Variants in SPINDOC observed in about 807,000 individuals in gnomAD.
The protein encoded by SPINDOC is spindlin interactor and repressor of chromatin-binding protein.
In SPINDOC, 13 loss-of-function variants were observed where a neutral mutation model predicts 30.7. That is an observed-to-expected ratio of 0.42 (90% confidence interval 0.28 to 0.67). The LOEUF is 0.67. Ranked by LOEUF, SPINDOC falls within the 30% of genes least tolerant of loss-of-function variation. The probability of loss-of-function intolerance (pLI) is 0.22; values close to 1 mark genes in which losing one functional copy is unlikely to be tolerated. For synonymous variants in SPINDOC, 228 were observed against 211.4 expected, an observed-to-expected ratio of 1.08 and a Z score of -0.68; for missense variants, 438 against 518.0, an observed-to-expected ratio of 0.85 and a Z score of 1.50.
In SPINDOC at chr11:63,827,332, C is replaced by T. The variant is rs960432781; in HGVS notation, c.*193C>T. On this transcript the variant is annotated 3_prime_UTR_variant, in exon 6 of 6. Coordinates refer to ENST00000294244, the MANE Select transcript of SPINDOC (RefSeq NM_138471.3). ...TGTTCCTGGCCAGGCCTGAGGTCGG[C>T]GAGGGTGGCTGAGGCTGTTGTGCAG... 29 of 1,056,352 alleles carry T rather than the reference C, an allele frequency of 2.7e-5. No individual in the cohort carries two copies. Among genetic ancestry groups the T allele is most frequent in the African/African-American group, 1.8e-4 (11 of 62,752 alleles). 65.4% of individuals were successfully genotyped at this position (1,056,352 alleles called of 1,614,324 possible). A position where few individuals can be genotyped will look rare whatever the true frequency, so the allele number is the denominator to read the frequency against.
At chr11:63,825,497 T>C (rs2015633392) in intron 5 of SPINDOC, among the ~76,000 whole-genome samples, 1 of 152,206 alleles carries the variant, frequency 6.6e-6, no homozygotes, top group Non-Finnish European at 1.5e-5. Context: ...CATACTGCAT[T>C]TTTTATTTGT....
intron 5 of SPINDOC, among the ~76,000 whole-genome samples, chr11:63,824,234 G>A (rs1485602504): frequency 6.6e-6 from 1 of 152,072 alleles, no homozygotes; most frequent in Non-Finnish European, 1.5e-5. Context: ...TGATCTCGTG[G>A]TTACGGTGGG....
chr11:63,820,807 G>A (rs368190679), intron 5 of SPINDOC, among the ~76,000 whole-genome samples: 227 of 148,450 alleles, frequency 1.5e-3, no homozygotes, highest in African/African-American at 5.4e-3. Context: ...GGAGAATGGC[G>A]TGAACCCGGG....
chr11:63,820,815 G>A lies in SPINDOC; in HGVS notation c.934+1813G>A, dbSNP rs1490325280. 4.0e-5 allele frequency among the ~76,000 whole-genome samples: 6 copies of A among 149,268 alleles called. No homozygotes were observed. The Admixed American group carries it at 4.1e-4, about 10-fold the overall frequency. ...TGAGGCAGGAGAATGGCGTGAACCC[G>A]GGAGGCGGAGCTTGCAGTGAGTCGA... On this transcript the variant is annotated intron_variant, in intron 5 of 5. Coordinates refer to ENST00000294244, the MANE Select transcript of SPINDOC (RefSeq NM_138471.3).
At chr11:63,825,494 C>T (rs1320438122) in intron 5 of SPINDOC, among the ~76,000 whole-genome samples, 1 of 152,174 alleles carries the variant, frequency 6.6e-6, no homozygotes, top group African/African-American at 2.4e-5. Context: ...TAACATACTG[C>T]ATTTTTTATT....
intron 5 of SPINDOC, chr11:63,822,921 G>T: frequency 1.6e-6 from 2 of 1,270,416 alleles, no homozygotes; most frequent in Non-Finnish European, 2.1e-6. Flanking sequence ...TGAGAGGAAG[G>T]GGCTTCAGCA....
chr11:63,818,290 C>T lies in SPINDOC; in HGVS notation c.532C>T (p.Leu178Phe). 1 of 1,614,038 alleles carries T rather than the reference C, an allele frequency of 6.2e-7. No homozygotes were observed. Among genetic ancestry groups the T allele is most frequent in the African/African-American group, 1.3e-5 (1 of 75,000 alleles). ...AARMPAEIVV[L>F]LDSEDNPSLP... ...CAGAATGCCAGCCGAAATCGTCGTT[C>T]TCCTTGACTCTGAGGATAACCCATC... is the stretch of plus-strand genomic sequence containing the variant. The change falls in exon 3 of 6, where the codon CTC (leucine) becomes TTC (phenylalanine). Residue 178 changes from leucine to phenylalanine, a missense_variant. Around this residue, in one of 3 missense-constraint regions of SPINDOC, gnomAD observed 300 missense variants for 332.8 expected, o/e 0.90. Coordinates refer to ENST00000294244, the MANE Select transcript of SPINDOC (RefSeq NM_138471.3). The surrounding 1 kb of genome is among the most constrained non-coding windows in gnomAD (Gnocchi z 5.3).
intron 1 of SPINDOC, among the ~76,000 whole-genome samples, chr11:63,816,384 G>A (rs543510498): frequency 3.4e-4 from 52 of 152,288 alleles, no homozygotes; most frequent in African/African-American, 1.3e-3. Flanking sequence ...GAAACTGACC[G>A]CAGAGTTTAG....
chr11:63,823,088 G>A, intron 5 of SPINDOC: 1 of 1,244,222 alleles, frequency 8.0e-7, no homozygotes, highest in Non-Finnish European at 1.1e-6. Context: ...CACCCTGGGA[G>A]ATGGCATGAG....
chr11:63,816,973 GC>G (rs2015358520), intron 1 of SPINDOC, among the ~76,000 whole-genome samples: 1 of 151,870 alleles, frequency 6.6e-6, no homozygotes, highest in African/African-American at 2.4e-5. Flanking sequence ...TTCACAACCA[GC>G]CTGGGCAACA....
chr11:63,823,319 T>TG (rs2015578511), intron 5 of SPINDOC: 1 of 1,190,330 alleles, frequency 8.4e-7, no homozygotes, highest in East Asian at 5.9e-5. Flanking sequence ...ATGTACGTAT[T>TG]GAAGTTCTCT....
chr11:63,825,946 T>C (rs1278139857), intron 5 of SPINDOC, among the ~76,000 whole-genome samples: 3 of 131,454 alleles, frequency 2.3e-5, no homozygotes, highest in African/African-American at 1.1e-4. Context: ...GTAATGTAAC[T>C]TTTTTTTTTT....
intron 5 of SPINDOC, among the ~76,000 whole-genome samples, chr11:63,825,306 G>A (rs1379951538): frequency 1.3e-5 from 2 of 152,094 alleles, no homozygotes; most frequent in Non-Finnish European, 2.9e-5. Flanking sequence ...GGAAGCCAGC[G>A]TGCTCCACCA....
chr11:63,825,116 C>A (rs535951882), intron 5 of SPINDOC, among the ~76,000 whole-genome samples: 2 of 152,296 alleles, frequency 1.3e-5, no homozygotes, highest in East Asian at 3.9e-4. Context: ...GCCAGAGTGT[C>A]CCTGCTGAGA....
chr11:63,817,154 C>G (rs1312501177), intron 1 of SPINDOC, among the ~76,000 whole-genome samples: 4 of 151,736 alleles, frequency 2.6e-5, no homozygotes, highest in African/African-American at 7.3e-5. Context: ...GTACTCCAGC[C>G]TGGGTGACAA....
intron 5 of SPINDOC, among the ~76,000 whole-genome samples, chr11:63,820,158 C>T (rs1236191195): frequency 1.3e-5 from 2 of 150,762 alleles, no homozygotes; most frequent in Non-Finnish European, 3.0e-5. Flanking sequence ...AGCACTTTGG[C>T]AGGCTGAGGC....
At position 63,820,889 on chromosome 11, in the gene SPINDOC, CAAAAAAAA is replaced by C. The variant is rs60839586; in HGVS notation, c.934+1898_934+1905del. On this transcript the variant is annotated intron_variant, in intron 5 of 5. Coordinates refer to ENST00000294244, the MANE Select transcript of SPINDOC (RefSeq NM_138471.3). ...TGGGCGACAGAGCGAAACTCCGTCT[CAAAAAAAA>C]AAAAAAAAAACAACACACATCGCTT... Among the ~76,000 whole-genome samples the C allele has an allele frequency of 1.3e-4, 10 of 74,436 alleles. No homozygotes were observed. In the East Asian group the frequency reaches 2.7e-3, roughly 20 times the overall value. The allele number at this position is 74,436 out of a possible 152,430, so 48.8% of individuals were successfully genotyped here. A position where few individuals can be genotyped will look rare whatever the true frequency, so the allele number is the denominator to read the frequency against.
chr11:63,822,621 C>T, intron 5 of SPINDOC: 1 of 1,289,134 alleles, frequency 7.8e-7, no homozygotes, highest in Non-Finnish European at 1.0e-6. Flanking sequence ...ACAGTTTTAA[C>T]TGTCTCAAGT....
chr11:63,818,977 T>C lies in SPINDOC; in HGVS notation c.909T>C (p.Leu303=), dbSNP rs1157011050. ...PKDREVAEGG[L]PRAESPSPAP... ...ACAGGGAAGTGGCAGAAGGAGGCCT[T>C]CCCCGGGCGGAGAGCCCCTCTCCAG... The change falls in exon 5 of 6, where the codon CTT becomes CTC. Residue 303 remains leucine (L), a synonymous_variant. Transcript: ENST00000294244. The surrounding 1 kb of genome is among the most constrained non-coding windows in gnomAD (Gnocchi z 5.3). 4 of 1,613,842 alleles carry C rather than the reference T, an allele frequency of 2.5e-6. No individual in the cohort carries two copies. In the African/African-American group the frequency reaches 5.3e-5, roughly 22 times the overall value.
Sources: gnomAD v4.1 joint callset for allele counts (sites outside exome capture counted in the v4.1 genomes callset) on GRCh38, gnomAD v4.1.1 for gene constraint, gnomAD v4.1.1 regional missense constraint, Gnocchi (gnomAD v3.1) non-coding constraint, MANE v1.5 for transcripts, NCBI Gene and HGNC (gene_info 2026-07-23, HGNC 2026-07-21) for gene names.